The following CDH8 variants were observed in gnomAD, a reference collection of about 807,000 sequenced individuals.
CDH8 encodes the protein cadherin-8.
CDH8 carries 17 observed loss-of-function variants against 68.1 expected under a neutral mutation model. The ratio of observed to expected loss-of-function variants is 0.25; its 90% CI spans 0.17 to 0.37. CDH8 has a LOEUF of 0.37. Among genes scored for constraint, CDH8 ranks in the 10% least tolerant of loss-of-function variants. CDH8 has a pLI of 1.00. For synonymous variants in CDH8, 372 were observed against 365.1 expected (o/e 1.02, Z -0.21); for missense variants, 763 against 999.3 (o/e 0.76, Z 3.19).
At chr16:61,745,595 CT>C (rs74264140) in intron 8 of CDH8, among the ~76,000 whole-genome samples, 2,355 of 139,904 alleles carry the variant, frequency 0.017, 16 homozygotes, top group Non-Finnish European at 0.023. Context: ...TCTTTTCTTT[CT>C]TTTTTTTTTT....
intron 10 of CDH8, among the ~76,000 whole-genome samples, chr16:61,685,444 G>C (rs1039123234): frequency 6.6e-6 from 1 of 151,918 alleles, no homozygotes; most frequent in South Asian, 2.1e-4. Context: ...AGAGTGCTGA[G>C]AGAGGAAACA....
At chr16:61,866,584 A>ATG (rs1963258987) in intron 3 of CDH8, among the ~76,000 whole-genome samples, 1 of 151,952 alleles carries the variant, frequency 6.6e-6, no homozygotes, top group Non-Finnish European at 1.5e-5. Flanking sequence ...GTGTGTGTAT[A>ATG]TATATATACA....
chr16:61,681,208 T>C (rs1231090458), intron 10 of CDH8, among the ~76,000 whole-genome samples: 4 of 151,892 alleles, frequency 2.6e-5, no homozygotes, highest in Admixed American at 6.6e-5. Context: ...TATGTCCACA[T>C]AAACACCTGC....
In CDH8 at chr16:61,729,995, G is replaced by GCACA. The variant is rs35622399; in HGVS notation, c.1415-2784_1415-2781dup. On this transcript the variant is annotated intron_variant, in intron 8 of 11. Transcript: ENST00000577390. The stretch of plus-strand genomic sequence containing the variant: ...TTTAATATTACATGCACGTGTGCAT[G>GCACA]CACACACACACACACACTCATATCT... Among the ~76,000 whole-genome samples, 835 of 148,940 alleles carry GCACA rather than the reference G, an allele frequency of 5.6e-3. 2 individuals are homozygous for GCACA. The highest frequency in any genetic ancestry group is 0.01 in the African/African-American group (413 of 40,806).
chr16:61,723,226 G>T (rs1053499969), intron 9 of CDH8, among the ~76,000 whole-genome samples: 3 of 150,724 alleles, frequency 2.0e-5, no homozygotes, highest in Non-Finnish European at 4.5e-5. Flanking sequence ...CACAGTTATG[G>T]AAGGTCCTCT....
intron 2 of CDH8, among the ~76,000 whole-genome samples, chr16:61,927,595 C>G (rs1040654688): frequency 6.6e-6 from 1 of 152,152 alleles, no homozygotes; most frequent in South Asian, 2.1e-4. Flanking sequence ...ACATTATTCA[C>G]TAGTTCCATG....
At chr16:61,852,104 T>A (rs1356860428) in intron 4 of CDH8, among the ~76,000 whole-genome samples, 2 of 152,124 alleles carry the variant, frequency 1.3e-5, no homozygotes. Context: ...CAAACCCAGT[T>A]AGCACAATGG....
intron 8 of CDH8, among the ~76,000 whole-genome samples, chr16:61,762,473 A>G (rs1459272341): frequency 6.6e-6 from 1 of 152,142 alleles, no homozygotes; most frequent in East Asian, 1.9e-4. Flanking sequence ...ACCAAATACC[A>G]TTTTCAAAAC....
chr16:61,687,311 A>G (rs536495271), intron 10 of CDH8, among the ~76,000 whole-genome samples: 5 of 152,154 alleles, frequency 3.3e-5, no homozygotes, highest in Non-Finnish European at 5.9e-5. Context: ...TTTACTTAAT[A>G]TGTACTGTAC....
chr16:61,898,220 A>T (rs1363523861), intron 3 of CDH8, among the ~76,000 whole-genome samples: 1 of 152,136 alleles, frequency 6.6e-6, no homozygotes, highest in African/African-American at 2.4e-5. Flanking sequence ...GAATGGCATG[A>T]AACAGGGAGG....
At chr16:61,972,033 G>GTAATAATCCCCACGTGTC (rs1432621340) in intron 2 of CDH8, among the ~76,000 whole-genome samples, 1 of 152,120 alleles carries the variant, frequency 6.6e-6, no homozygotes, top group African/African-American at 2.4e-5. Flanking sequence ...ACCTTGAATT[G>GTAATAATCCCCACGTGTC]TAATAATCCC....
At chr16:61,861,208 G>C (rs1274190982) in intron 3 of CDH8, among the ~76,000 whole-genome samples, 1 of 152,106 alleles carries the variant, frequency 6.6e-6, no homozygotes, top group African/African-American at 2.4e-5. Context: ...CAGGCAGTTT[G>C]ATACAAAATA....
chr16:61,793,696 T>C (rs936620132), intron 7 of CDH8, among the ~76,000 whole-genome samples: 11 of 152,160 alleles, frequency 7.2e-5, no homozygotes, highest in Admixed American at 5.2e-4. Context: ...GTATTGTGAA[T>C]AGTGCTGCAA....
chr16:61,818,389 A>G (rs1962129410), intron 6 of CDH8, among the ~76,000 whole-genome samples: 1 of 152,160 alleles, frequency 6.6e-6, no homozygotes, highest in African/African-American at 2.4e-5. Flanking sequence ...GTAAAGAAAT[A>G]TGTGCACCGA....
chr16:61,950,679 A>G (rs1964880009), intron 2 of CDH8, among the ~76,000 whole-genome samples: 1 of 152,166 alleles, frequency 6.6e-6, no homozygotes, highest in African/African-American at 2.4e-5. Context: ...TTATATTTTT[A>G]TGTCATTAAA....
At chr16:61,719,109 C>T (rs1426574128) in intron 9 of CDH8, among the ~76,000 whole-genome samples, 3 of 149,832 alleles carry the variant, frequency 2.0e-5, no homozygotes, top group Admixed American at 6.7e-5. Context: ...ACCCATTCAA[C>T]ATGTTTAATG....
At chr16:61,657,946 G>A (rs901894904) in intron 10 of CDH8, among the ~76,000 whole-genome samples, 3 of 151,960 alleles carry the variant, frequency 2.0e-5, no homozygotes, top group African/African-American at 7.2e-5. Flanking sequence ...TACTAATCCT[G>A]GAATTTGCCT....
At chr16:61,974,381 A>C (rs1300194913) in intron 2 of CDH8, among the ~76,000 whole-genome samples, 2 of 152,180 alleles carry the variant, frequency 1.3e-5, no homozygotes, top group Non-Finnish European at 2.9e-5. Context: ...ATATAACAGC[A>C]TCTGGTTTAT....
chr16:61,885,933 G>A (rs1346947903), intron 3 of CDH8, among the ~76,000 whole-genome samples: 1 of 152,260 alleles, frequency 6.6e-6, no homozygotes, highest in East Asian at 1.9e-4. Context: ...ATAAATGGAT[G>A]GAAGAGTGAC....
Sources: gnomAD v4.1 joint callset for allele counts (sites outside exome capture counted in the v4.1 genomes callset) on GRCh38, gnomAD v4.1.1 for gene constraint, MANE v1.5 for transcripts, NCBI Gene and HGNC (gene_info 2026-07-23, HGNC 2026-07-21) for gene names.